GSG1L: variants seen among roughly 807,000 people sequenced by gnomAD.
GSG1L encodes germ cell-specific gene 1-like protein.
Under a neutral mutation model 42.1 loss-of-function variants are expected in GSG1L, and 24 were observed. That is an observed-to-expected ratio of 0.57 (90% CI 0.41 to 0.80). The LOEUF (loss-of-function observed/expected upper bound fraction) is 0.80, where lower values mean the gene tolerates loss of function less well. Among genes scored for constraint, GSG1L ranks in the 30% least tolerant of loss-of-function variants. The probability of loss-of-function intolerance (pLI) is 0.00; values close to 1 mark genes in which losing one functional copy is unlikely to be tolerated. For missense variants in GSG1L, 445 were observed against 472.2 expected (o/e 0.94, Z 0.53); for synonymous variants, 215 against 203.5 (o/e 1.06, Z -0.48).
intron 1 of GSG1L, among the ~76,000 whole-genome samples, chr16:27,966,674 C>T (rs1313676492): frequency 1.3e-5 from 2 of 152,120 alleles, no homozygotes; most frequent in Non-Finnish European, 2.9e-5. Flanking sequence ...GACCTGGCCA[C>T]CAAGGATGCA....
At position 27,822,545 on chromosome 16, in the gene GSG1L, G is replaced by A. The variant is rs1458860471; in HGVS notation, c.830+6244C>T. Among the ~76,000 whole-genome samples the A allele has an allele frequency of 3.3e-5, 5 of 152,114 alleles. No homozygotes were observed. The South Asian group carries it at 1.0e-3, about 32-fold the overall frequency. On this transcript the variant is annotated intron_variant, in intron 5 of 6. Coordinates refer to ENST00000447459, the MANE Select transcript of GSG1L (RefSeq NM_001109763.2). ...GATCCTCCCACCTCAGCCTCCCTGA[G>A]TAACTGGGACCACAGGCACATGCCA...
At chr16:27,942,157 T>TC (rs1302322615) in intron 2 of GSG1L, among the ~76,000 whole-genome samples, 5 of 149,594 alleles carry the variant, frequency 3.3e-5, no homozygotes, top group African/African-American at 9.9e-5. Context: ...CTTTTTTTTT[T>TC]TTTTTTTTTT....
At chr16:27,848,148 G>C (rs1279618857) in intron 3 of GSG1L, among the ~76,000 whole-genome samples, 9 of 152,164 alleles carry the variant, frequency 5.9e-5, no homozygotes, top group Non-Finnish European at 1.5e-5. Context: ...AAGCTCCACA[G>C]AAGTTTCTTG....
At chr16:28,016,782 C>T (rs1311089967) in intron 1 of GSG1L, among the ~76,000 whole-genome samples, 2 of 152,128 alleles carry the variant, frequency 1.3e-5, no homozygotes, top group Non-Finnish European at 2.9e-5. Context: ...TGGTGTCATC[C>T]CCATTTTAAT....
intron 1 of GSG1L, among the ~76,000 whole-genome samples, chr16:28,008,508 C>T (rs542648944): frequency 6.6e-6 from 1 of 152,358 alleles, no homozygotes; most frequent in African/African-American, 2.4e-5. Flanking sequence ...TCAGCCACTG[C>T]TGCCCCTTGT....
At chr16:28,057,073 T>TGAC (rs2086288033) in intron 1 of GSG1L, among the ~76,000 whole-genome samples, 1 of 150,510 alleles carries the variant, frequency 6.6e-6, no homozygotes, top group Non-Finnish European at 1.5e-5. Flanking sequence ...TGAAGAAGAG[T>TGAC]GACTGTGGGG....
At chr16:27,927,460 C>G (rs1281871118) in intron 2 of GSG1L, among the ~76,000 whole-genome samples, 1 of 152,168 alleles carries the variant, frequency 6.6e-6, no homozygotes, top group Non-Finnish European at 1.5e-5. Flanking sequence ...GATGCCTCAC[C>G]TGGACCGGCC....
At chr16:27,938,703 A>C (rs1372270804) in intron 2 of GSG1L, among the ~76,000 whole-genome samples, 1 of 152,246 alleles carries the variant, frequency 6.6e-6, no homozygotes, top group Non-Finnish European at 1.5e-5. Context: ...TGTTCAGGAC[A>C]AGAGTAAGAA....
At chr16:28,056,040 C>T (rs577640440) in intron 1 of GSG1L, among the ~76,000 whole-genome samples, 4 of 152,234 alleles carry the variant, frequency 2.6e-5, no homozygotes, top group South Asian at 2.1e-4. Flanking sequence ...ATGACAGGCA[C>T]GGAGTAGAGA....
intron 1 of GSG1L, among the ~76,000 whole-genome samples, chr16:28,038,933 A>G (rs1247761559): frequency 6.6e-6 from 1 of 152,186 alleles, no homozygotes; most frequent in Non-Finnish European, 1.5e-5. Context: ...GCTCTATCAG[A>G]TCCACAGAGA....
rs751413257 is a variant in GSG1L at position 27,828,769 on chromosome 16, G to A, written c.830+20C>T. 2.2e-5 allele frequency: 35 copies of A among 1,607,076 alleles called. No individual in the cohort carries two copies. Among genetic ancestry groups the A allele is most frequent in the Non-Finnish European group, 2.6e-5 (31 of 1,174,794 alleles). ...TTTAGAGTCCCCGTGGTGGCCAGAG[G>A]TAACCCCCTGTGCACTGACCTCTCC... On this transcript the variant is annotated intron_variant, in intron 5 of 6. Coordinates refer to ENST00000447459, the MANE Select transcript of GSG1L (RefSeq NM_001109763.2).
At chr16:27,935,577 T>C (rs146736311) in intron 2 of GSG1L, among the ~76,000 whole-genome samples, 83 of 152,230 alleles carry the variant, frequency 5.5e-4, no homozygotes, top group Non-Finnish European at 8.7e-4. Flanking sequence ...TTCACAGCCA[T>C]GCCACCCCTC....
intron 1 of GSG1L, among the ~76,000 whole-genome samples, chr16:27,982,503 C>G (rs1008409): frequency 0.65 from 98,652 of 152,010 alleles, 32,306 homozygotes; most frequent in South Asian, 0.85. Flanking sequence ...TCCTCTTCCA[C>G]CTAGATGCAA....
intron 1 of GSG1L, among the ~76,000 whole-genome samples, chr16:28,031,137 A>G (rs12929888): frequency 1.6e-5 from 2 of 123,226 alleles, no homozygotes; most frequent in South Asian, 2.9e-4. Context: ...GGGATGGGAT[A>G]GGATGGAATG....
intron 1 of GSG1L, among the ~76,000 whole-genome samples, chr16:27,974,045 A>G (rs992019201): frequency 6.6e-6 from 1 of 152,054 alleles, no homozygotes; most frequent in African/African-American, 2.4e-5. Flanking sequence ...TTGAGCTGCT[A>G]AGATAGCAAA....
At chr16:27,897,833 G>A (rs1219780007) in intron 2 of GSG1L, among the ~76,000 whole-genome samples, 2 of 152,154 alleles carry the variant, frequency 1.3e-5, no homozygotes, top group Admixed American at 6.5e-5. Context: ...ATAAAACAGA[G>A]TCCACACTAC....
At chr16:27,823,379 C>T (rs573466601) in intron 5 of GSG1L, among the ~76,000 whole-genome samples, 10 of 152,272 alleles carry the variant, frequency 6.6e-5, no homozygotes, top group African/African-American at 2.4e-4. Context: ...TTCGACAGCG[C>T]TGAACACCAT....
chr16:27,818,555 A>C (rs1442327743), intron 5 of GSG1L, among the ~76,000 whole-genome samples: 2 of 152,228 alleles, frequency 1.3e-5, no homozygotes, highest in East Asian at 1.9e-4. Context: ...CAGTGAAGAC[A>C]GATGGATGAG....
chr16:28,043,592 C>A (rs997287105), intron 1 of GSG1L, among the ~76,000 whole-genome samples: 1 of 152,162 alleles, frequency 6.6e-6, no homozygotes, highest in Non-Finnish European at 1.5e-5. Context: ...ATAGTAGGAA[C>A]TGGAATAGGA....
Sources: gnomAD v4.1 joint callset for allele counts (sites outside exome capture counted in the v4.1 genomes callset) on GRCh38, gnomAD v4.1.1 for gene constraint, MANE v1.5 for transcripts, NCBI Gene and HGNC (gene_info 2026-07-23, HGNC 2026-07-21) for gene names.